SMIM35: variants seen among roughly 807,000 people sequenced by gnomAD.
SMIM35 encodes TMPRSS4 antisense RNA 1 (non-protein coding).
chr11:118,034,139 A>T (rs1217363700), intron 1 of SMIM35, among the ~76,000 whole-genome samples: 1 of 151,964 alleles, frequency 6.6e-6, no homozygotes, highest in Non-Finnish European at 1.5e-5. Context: ...CATGATGACA[A>T]GCACCTGTAA....
At position 118,036,599 on chromosome 11, in the gene SMIM35, G is replaced by T. The variant is rs147983659; in HGVS notation, c.8-20790C>A. 8.3e-4 allele frequency among the ~76,000 whole-genome samples: 126 copies of T among 152,324 alleles called. 1 individual carries two copies. Among genetic ancestry groups the T allele is most frequent in the African/African-American group, 2.9e-3 (122 of 41,578 alleles). Reference sequence around the variant, plus strand: ...CTAAGCTGGGGGTGCCTGGGGAGAAGGGCGCTCCTTGGAGTGCCCCTCCAG... The same window carrying T: ...CTAAGCTGGGGGTGCCTGGGGAGAATGGCGCTCCTTGGAGTGCCCCTCCAG... On this transcript the variant is annotated intron_variant, in intron 1 of 4. Coordinates refer to ENST00000689828, the MANE Select transcript of SMIM35 (RefSeq NM_001394165.1).
At chr11:118,049,963 G>A (rs1260070272) in intron 1 of SMIM35, among the ~76,000 whole-genome samples, 2 of 152,148 alleles carry the variant, frequency 1.3e-5, no homozygotes, top group African/African-American at 4.8e-5. Context: ...TCATGCTGAA[G>A]TGGAGTCACT....
At chr11:118,043,814 A>G (rs560548335) in intron 1 of SMIM35, among the ~76,000 whole-genome samples, 1 of 146,474 alleles carries the variant, frequency 6.8e-6, no homozygotes, top group Non-Finnish European at 1.5e-5. Context: ...AAAAAAAAAA[A>G]GGAAAAGAAA....
chr11:118,014,867 G>A (rs538854343), intron 2 of SMIM35, 126 bp from the exon 3 acceptor site: 23 of 396,686 alleles, frequency 5.8e-5, no homozygotes, highest in Non-Finnish European at 5.3e-5. Context: ...TGGACCTCAG[G>A]ATGGTGTGGG....
chr11:118,049,213 C>G (rs919880643), intron 1 of SMIM35, among the ~76,000 whole-genome samples: 1 of 152,034 alleles, frequency 6.6e-6, no homozygotes, highest in Non-Finnish European at 1.5e-5. Flanking sequence ...GGGGCAATGG[C>G]CCCTGCCAAG....
intron 1 of SMIM35, among the ~76,000 whole-genome samples, chr11:118,083,223 A>T (rs1945290548): frequency 6.6e-6 from 1 of 152,200 alleles, no homozygotes; most frequent in Non-Finnish European, 1.5e-5. Context: ...CCAGGAGAAA[A>T]GACTTTCTGT....
chr11:118,043,726 C>A (rs1239700443), intron 1 of SMIM35, among the ~76,000 whole-genome samples: 2 of 151,290 alleles, frequency 1.3e-5, no homozygotes, highest in Admixed American at 1.3e-4. Flanking sequence ...AGGAGAATCG[C>A]TTGAACCCGG....
In SMIM35 at chr11:118,047,322, T is replaced by C. The variant is rs550490084; in HGVS notation, c.8-31513A>G. On this transcript the variant is annotated intron_variant, in intron 1 of 4. Transcript: ENST00000689828. ...CAATTAACAAGCATTCTAGAATACA[T>C]ACACTTGTTGTGTGTCTGAAAACAG... Among the ~76,000 whole-genome samples, 3 of 152,352 alleles carry C rather than the reference T, an allele frequency of 2.0e-5. No individual in the cohort carries two copies. The Middle Eastern group carries it at 0.01, about 518-fold the overall frequency.
chr11:118,016,859 ATTG>A (rs928463645), intron 1 of SMIM35, among the ~76,000 whole-genome samples: 7 of 152,186 alleles, frequency 4.6e-5, no homozygotes, highest in African/African-American at 1.7e-4. Flanking sequence ...TTATATCATT[ATTG>A]TTGTTGTTGT....
At chr11:118,024,153 G>T (rs747372072) in intron 1 of SMIM35, among the ~76,000 whole-genome samples, 1 of 152,116 alleles carries the variant, frequency 6.6e-6, no homozygotes, top group African/African-American at 2.4e-5. Context: ...GATGAGATAT[G>T]GCCAACAATT....
intron 1 of SMIM35, among the ~76,000 whole-genome samples, chr11:118,081,052 C>T (rs1348911335): frequency 6.6e-6 from 1 of 152,204 alleles, no homozygotes; most frequent in East Asian, 1.9e-4. Flanking sequence ...TAGCCGCAAA[C>T]CTAGCACAGG....
At chr11:118,067,011 T>G (rs1944484932) in intron 1 of SMIM35, among the ~76,000 whole-genome samples, 1 of 152,162 alleles carries the variant, frequency 6.6e-6, no homozygotes, top group African/African-American at 2.4e-5. Flanking sequence ...TCTTAATCCC[T>G]GATATCTTTT....
chr11:118,039,818 A>G (rs545921909), intron 1 of SMIM35, among the ~76,000 whole-genome samples: 1 of 151,818 alleles, frequency 6.6e-6, no homozygotes, highest in African/African-American at 2.4e-5. Flanking sequence ...TGGGAGGCCG[A>G]GGCGGGACTC....
At position 118,065,504 on chromosome 11, in the gene SMIM35, T is replaced by G. The variant is rs574855649; in HGVS notation, c.7+21247A>C. 1.1e-3 allele frequency among the ~76,000 whole-genome samples: 171 copies of G among 152,318 alleles called. 1 individual carries two copies. Among genetic ancestry groups the G allele is most frequent in the Non-Finnish European group, 1.8e-3 (120 of 68,032 alleles). ...TTCCGTCGCTGGCCAACTTTTCTTTTGCATAGGAGTATAACTTTGTAACTT... is the reference window on the plus strand; with the variant it reads ...TTCCGTCGCTGGCCAACTTTTCTTTGGCATAGGAGTATAACTTTGTAACTT... On this transcript the variant is annotated intron_variant, in intron 1 of 4. Transcript: ENST00000689828.
intron 1 of SMIM35, among the ~76,000 whole-genome samples, chr11:118,062,128 A>G (rs1944402646): frequency 6.6e-6 from 1 of 152,186 alleles, no homozygotes; most frequent in Non-Finnish European, 1.5e-5. Context: ...TCAGGAGTTC[A>G]AGACCAGCTT....
intron 1 of SMIM35, among the ~76,000 whole-genome samples, chr11:118,018,827 C>A (rs911133949): frequency 6.6e-6 from 1 of 152,116 alleles, no homozygotes; most frequent in African/African-American, 2.4e-5. Flanking sequence ...TTCTGGGATG[C>A]TCCTTTACCT....
chr11:118,063,807 C>T (rs1051847233), intron 1 of SMIM35, among the ~76,000 whole-genome samples: 72 of 152,138 alleles, frequency 4.7e-4, no homozygotes, highest in Non-Finnish European at 8.1e-4. Context: ...GAAGGGGACC[C>T]GACTCGGGAG....
Position 118,070,475 on chromosome 11 carries a change from C to A in SMIM35, c.7+16276G>T, listed in dbSNP as rs184549371. On this transcript the variant is annotated intron_variant, in intron 1 of 4. Transcript: ENST00000689828. ...TACAGCCGTGAGCCACCGTGCCCAG[C>A]CTCTAGACAGATTCTTATTAAAAAC... Among the ~76,000 whole-genome samples the A allele has an allele frequency of 5.4e-3, 823 of 152,308 alleles. 2 individuals carry two copies. The highest frequency in any genetic ancestry group is 0.018 in the African/African-American group (741 of 41,570).
At chr11:118,049,411 C>T (rs560227448) in intron 1 of SMIM35, among the ~76,000 whole-genome samples, 10 of 138,712 alleles carry the variant, frequency 7.2e-5, no homozygotes, top group East Asian at 6.3e-4. Context: ...TGCAGTGGCG[C>T]GATCTCTGCT....
Sources: allele counts gnomAD v4.1 joint callset (sites outside exome capture counted in the v4.1 genomes callset), GRCh38; gene constraint gnomAD v4.1.1; transcripts MANE v1.5; gene names NCBI Gene and HGNC (gene_info 2026-07-23, HGNC 2026-07-21).